PTPRT: variants seen among roughly 807,000 people sequenced by gnomAD.
PTPRT encodes protein tyrosine phosphatase receptor type T.
PTPRT carries 56 observed loss-of-function variants against 176.8 expected under a neutral mutation model. The observed-to-expected ratio is 0.32, with a 90% confidence interval of 0.26 to 0.40. PTPRT has a LOEUF of 0.40. Among genes scored for constraint, PTPRT ranks in the 10% least tolerant of loss-of-function variants. The pLI is 1.00. For missense variants in PTPRT, 1,540 were observed against 1,908.2 expected (o/e 0.81, Z 3.60); for synonymous variants, 783 against 739.0 (o/e 1.06, Z -0.96).
rs373077249 is a variant in PTPRT, at chr20:42,501,276, A to G, written c.1154-28714T>C. On this transcript the variant is annotated intron_variant, in intron 7 of 30. Coordinates refer to ENST00000373187, the MANE Select transcript of PTPRT (RefSeq NM_007050.6). ...AGTCCACCACAGTGTTTTAAGTAAC[A>G]TTACTTCATCCATTCCCATTGCTGT... Among the ~76,000 whole-genome samples the G allele has an allele frequency of 2.5e-3, 387 of 152,318 alleles. 3 individuals carry two copies. The highest frequency in any genetic ancestry group is 9.1e-3 in the African/African-American group (377 of 41,580).
intron 1 of PTPRT, among the ~76,000 whole-genome samples, chr20:42,889,920 A>G (rs933144193): frequency 6.6e-6 from 1 of 152,248 alleles, no homozygotes; most frequent in Non-Finnish European, 1.5e-5. Context: ...GACACCCAAT[A>G]GAAAAAAAGC....
intron 1 of PTPRT, among the ~76,000 whole-genome samples, chr20:42,934,556 T>A: frequency 6.6e-6 from 1 of 152,166 alleles, no homozygotes; most frequent in East Asian, 1.9e-4. Flanking sequence ...CACTGGGGAA[T>A]AATATGCTTC....
chr20:42,373,587 C>A (rs1160681326), intron 9 of PTPRT, among the ~76,000 whole-genome samples: 1 of 152,142 alleles, frequency 6.6e-6, no homozygotes, highest in Non-Finnish European at 1.5e-5. Flanking sequence ...ATAAATGAAC[C>A]TGTTGATACC....
chr20:42,098,618 G>A (rs1191593799), intron 26 of PTPRT, 66 bp from the exon 27 acceptor site: 9 of 1,591,146 alleles, frequency 5.7e-6, no homozygotes, highest in Non-Finnish European at 7.7e-6. Flanking sequence ...ATGATGATGA[G>A]GCCTGGACTG....
intron 7 of PTPRT, among the ~76,000 whole-genome samples, chr20:42,596,545 C>A (rs1258475355): frequency 6.6e-6 from 1 of 152,154 alleles, no homozygotes; most frequent in South Asian, 2.1e-4. Flanking sequence ...AAAATTGTCA[C>A]GTGGAAGAAA....
intron 1 of PTPRT, among the ~76,000 whole-genome samples, chr20:43,155,850 T>A (rs2014503039): frequency 6.6e-6 from 1 of 152,236 alleles, no homozygotes; most frequent in Non-Finnish European, 1.5e-5. Flanking sequence ...TAAATTTTTT[T>A]AATGTAAATT....
Position 42,076,846 on chromosome 20 carries a change from T to C in PTPRT, c.*4033A>G. 4.9e-6 allele frequency: 1 copy of C among 202,128 alleles called. No individual in the cohort carries two copies. Among genetic ancestry groups the C allele is most frequent in the African/African-American group, 2.3e-5 (1 of 43,700 alleles). 12.5% of individuals were successfully genotyped at this position (202,128 alleles called of 1,614,324 possible). Reference sequence around the variant, plus strand: ...CGTAAAACATGAGACTATGAAGGAATTTTAAGCTTACTGTTGTTTGCTTTG... The same window carrying C: ...CGTAAAACATGAGACTATGAAGGAACTTTAAGCTTACTGTTGTTTGCTTTG... On this transcript the variant is annotated 3_prime_UTR_variant, in exon 31 of 31. Transcript: ENST00000373187.
chr20:42,112,941 A>G (rs560423521), intron 22 of PTPRT, among the ~76,000 whole-genome samples: 6 of 152,300 alleles, frequency 3.9e-5, no homozygotes, highest in Admixed American at 3.9e-4. Flanking sequence ...ATTCAGTCCC[A>G]AGAAGCCTTC....
At chr20:43,153,737 G>C (rs980055248) in intron 1 of PTPRT, among the ~76,000 whole-genome samples, 2 of 152,226 alleles carry the variant, frequency 1.3e-5, no homozygotes, top group Non-Finnish European at 2.9e-5. Context: ...TCTGTTTATG[G>C]GAGGAGTTCT....
intron 1 of PTPRT, among the ~76,000 whole-genome samples, chr20:43,103,625 G>A (rs558549236): frequency 6.6e-6 from 1 of 152,162 alleles, no homozygotes; most frequent in South Asian, 2.1e-4. Context: ...CCCCAAGGGG[G>A]CAAAAATTGT....
chr20:42,945,171 G>A (rs969865072), intron 1 of PTPRT, among the ~76,000 whole-genome samples: 2 of 150,406 alleles, frequency 1.3e-5, no homozygotes, highest in Admixed American at 6.6e-5. Context: ...TTATTATAAT[G>A]TAACTCTAAA....
intron 1 of PTPRT, among the ~76,000 whole-genome samples, chr20:43,052,702 A>G (rs1004898382): frequency 6.6e-6 from 1 of 152,236 alleles, no homozygotes; most frequent in Admixed American, 6.5e-5. Context: ...TTCTGGCGTA[A>G]TCACAGATCT....
chr20:43,076,195 G>A (rs764604005), intron 1 of PTPRT, among the ~76,000 whole-genome samples: 25 of 152,152 alleles, frequency 1.6e-4, no homozygotes, highest in Non-Finnish European at 3.4e-4. Context: ...CCTTCTGTGC[G>A]TGTCTTTTCT....
At chr20:42,186,339 C>T in intron 16 of PTPRT, among the ~76,000 whole-genome samples, 1 of 151,958 alleles carries the variant, frequency 6.6e-6, no homozygotes, top group Non-Finnish European at 1.5e-5. Context: ...ACAGAGTGCA[C>T]TGGATTTGGC....
chr20:42,516,383 T>C (rs572626540), intron 7 of PTPRT, among the ~76,000 whole-genome samples: 132 of 152,322 alleles, frequency 8.7e-4, no homozygotes, highest in Non-Finnish European at 1.5e-3. Context: ...GCTGTCCATC[T>C]TTTGGACACT....
At chr20:42,491,935 T>C (rs1208309858) in intron 7 of PTPRT, among the ~76,000 whole-genome samples, 2 of 152,194 alleles carry the variant, frequency 1.3e-5, no homozygotes, top group African/African-American at 2.4e-5. Context: ...AGAAATAATA[T>C]ACTATGTAAC....
chr20:42,213,758 G>T (rs1396390139), intron 15 of PTPRT, among the ~76,000 whole-genome samples: 3 of 152,094 alleles, frequency 2.0e-5, no homozygotes, highest in African/African-American at 4.8e-5. Context: ...ACCACCAGCT[G>T]CCAGGAAGAG....
chr20:42,412,807 G>C (rs904979976), intron 9 of PTPRT, among the ~76,000 whole-genome samples: 3 of 152,178 alleles, frequency 2.0e-5, no homozygotes, highest in African/African-American at 7.2e-5. Context: ...GCTGCATCCT[G>C]TGGGATATCA....
chr20:42,791,568 C>T, intron 2 of PTPRT, 102 bp from the exon 3 acceptor site: 1 of 1,318,168 alleles, frequency 7.6e-7, no homozygotes, highest in South Asian at 1.5e-5. Context: ...AGAGGAGTGG[C>T]CAGAGATCAA....
Sources: allele counts gnomAD v4.1 joint callset (sites outside exome capture counted in the v4.1 genomes callset), GRCh38; gene constraint gnomAD v4.1.1; transcripts MANE v1.5; gene names NCBI Gene and HGNC (gene_info 2026-07-23, HGNC 2026-07-21).